The following MICAL2 variants were observed in gnomAD, a reference collection of about 807,000 sequenced individuals.
MICAL2 encodes the protein microtubule associated monooxygenase, calponin and LIM domain containing 2.
A neutral mutation model predicts 127.3 loss-of-function variants in MICAL2; 77 were observed. The observed-to-expected ratio is 0.60, with a 90% confidence interval of 0.50 to 0.73. The LOEUF (loss-of-function observed/expected upper bound fraction) is 0.73. MICAL2 is among the 30% of genes least tolerant of loss of function. The pLI is 0.00. For synonymous variants in MICAL2, 570 were observed against 551.1 expected (o/e 1.03, Z -0.48); for missense variants, 1,351 against 1,434.4 (o/e 0.94, Z 0.94).
chr11:12,289,562 T>G (rs1257443633), downstream of MICAL2, among the ~76,000 whole-genome samples: 1 of 104,678 alleles, frequency 9.6e-6, no homozygotes, highest in Non-Finnish European at 1.9e-5. Context: ...TCTTGTTTTT[T>G]TTTGTTTTTT....
At chr11:12,315,301 T>TAATATA (rs955256773) in intron 29 of MICAL2, among the ~76,000 whole-genome samples, 1 of 152,222 alleles carries the variant, frequency 6.6e-6, no homozygotes, top group Non-Finnish European at 1.5e-5. Flanking sequence ...TCTTCTGTTC[T>TAATATA]AATATAAACA....
At chr11:12,206,163 A>G (rs1399337474) in intron 4 of MICAL2, among the ~76,000 whole-genome samples, 1 of 152,106 alleles carries the variant, frequency 6.6e-6, no homozygotes, top group Non-Finnish European at 1.5e-5. Flanking sequence ...TCGGTTACCA[A>G]TTTAGAACCA....
In MICAL2 at chr11:12,188,649, T is replaced by TA. The variant is rs1390107722; in HGVS notation, c.265-15597dup. Among the ~76,000 whole-genome samples, 5 of 152,140 alleles carry TA rather than the reference T, an allele frequency of 3.3e-5. No individual in the cohort carries two copies. In the East Asian group the frequency reaches 7.7e-4, roughly 23 times the overall value. ...AATCTTCTCTCATTGACAATGACACTAAAATTGGAGGGCTTAGGGCACAGT... is the reference window on the plus strand; with the variant it reads ...AATCTTCTCTCATTGACAATGACACTAAAAATTGGAGGGCTTAGGGCACAGT... On this transcript the variant is annotated intron_variant, in intron 3 of 27. Transcript: ENST00000683283.
intron 2 of MICAL2, among the ~76,000 whole-genome samples, chr11:12,156,417 A>G (rs1192894038): frequency 6.6e-6 from 1 of 152,146 alleles, no homozygotes; most frequent in African/African-American, 2.4e-5. Context: ...GGGAATGACT[A>G]AGAAGAATTA....
At position 12,220,205 on chromosome 11, in the gene MICAL2, A is replaced by T. The variant is rs753385543; in HGVS notation, c.953A>T (p.Tyr318Phe). ...CCATGTTTTCATCTTCCCCAGGACT[A>T]CATCGACACAGAGATGCTGCTGTGT... ...LLDKGVIINDYIDTEMLLCAE... is the reference protein window; with the variant it reads ...LLDKGVIINDFIDTEMLLCAE... The change falls in exon 9 of 28, where the codon TAC (tyrosine) becomes TTC (phenylalanine). Residue 318 changes from tyrosine (Y) to phenylalanine (F), a missense_variant. Transcript: ENST00000683283. The T allele has an allele frequency of 6.3e-5, 101 of 1,614,030 alleles. No homozygotes were observed. The highest frequency in any genetic ancestry group is 4.2e-6 in the Non-Finnish European group (5 of 1,180,022).
intron 2 of MICAL2, among the ~76,000 whole-genome samples, chr11:12,160,148 G>C (rs1854612826): frequency 6.6e-6 from 1 of 152,044 alleles, no homozygotes; most frequent in Admixed American, 6.5e-5. Flanking sequence ...GCCCTACAAA[G>C]TTGCAGGGAT....
chr11:12,215,252 G>A (rs1855990752), intron 7 of MICAL2, among the ~76,000 whole-genome samples: 4 of 152,192 alleles, frequency 2.6e-5, no homozygotes, highest in Admixed American at 6.5e-5. Context: ...TTTCACAACA[G>A]TGCCCTCAGA....
Position 12,269,645 on chromosome 11 carries a change from C to A in MICAL2, c.3335-6341C>A, listed in dbSNP as rs1863652229. On this transcript the variant is annotated intron_variant, in intron 24 of 34. Transcript: ENST00000646065. ...CAGGATGAGGGCTTCGTGGGAGGAGCTGCTCAGCTCTGCTGAGGGCCGTGG... is the reference window on the plus strand; with the variant it reads ...CAGGATGAGGGCTTCGTGGGAGGAGATGCTCAGCTCTGCTGAGGGCCGTGG... 5.3e-5 allele frequency among the ~76,000 whole-genome samples: 8 copies of A among 152,310 alleles called. No homozygotes were observed. In the South Asian group the frequency reaches 1.7e-3, roughly 32 times the overall value.
In MICAL2 at chr11:12,204,387, C is replaced by T. The variant is rs758475442; in HGVS notation, c.402C>T (p.Ile134=). The change falls in exon 4 of 28, where the codon ATC becomes ATT. Residue 134 remains isoleucine, a synonymous_variant. Coordinates refer to ENST00000683283, the MANE Select transcript of MICAL2 (RefSeq NM_001282663.2). ...TGCTACACCTCTGGCCTTTCACCATCCATGACCTTCGTGGCCTGGGAGCCA... is the reference window on the plus strand; with the variant it reads ...TGCTACACCTCTGGCCTTTCACCATTCATGACCTTCGTGGCCTGGGAGCCA... ...NNVLHLWPFT[I]HDLRGLGAKK... is the part of the protein sequence containing the mutation. The T allele has an allele frequency of 6.2e-7, 1 of 1,612,540 alleles. No homozygotes were observed. The highest frequency in any genetic ancestry group is 1.3e-5 in the African/African-American group (1 of 74,830).
intron 33 of MICAL2, among the ~76,000 whole-genome samples, chr11:12,351,822 G>A (rs573372177): frequency 4.0e-5 from 6 of 150,758 alleles, no homozygotes; most frequent in South Asian, 4.2e-4. Flanking sequence ...ACAGAGTCTC[G>A]CTCTTTCACC....
intron 2 of MICAL2, chr11:12,281,207 C>A: frequency 2.5e-6 from 1 of 397,954 alleles, no homozygotes; most frequent in Non-Finnish European, 4.4e-6. Flanking sequence ...GCCTCGCCCT[C>A]AGGCTTCAAG....
At chr11:12,228,033 A>G (rs921825868) in intron 15 of MICAL2, among the ~76,000 whole-genome samples, 2 of 152,178 alleles carry the variant, frequency 1.3e-5, no homozygotes, top group Non-Finnish European at 2.9e-5. Flanking sequence ...CATTTTACAG[A>G]TAAAAATGGA....
chr11:12,116,789 C>A lies in MICAL2; in HGVS notation c.-149+6063C>A, dbSNP rs1470357198. 3.9e-5 allele frequency: 6 copies of A among 152,260 alleles called. No homozygotes were observed. In the East Asian group the frequency reaches 1.2e-3, roughly 29 times the overall value. 9.4% of individuals were successfully genotyped at this position (152,260 alleles called of 1,614,324 possible). ...AGCTGCTCATGTCTCAAATGAAGAGCCTTTTGTGATGACCATGTATGGAAT... is the reference window on the plus strand; with the variant it reads ...AGCTGCTCATGTCTCAAATGAAGAGACTTTTGTGATGACCATGTATGGAAT... On this transcript the variant is annotated intron_variant, in intron 1 of 27. Transcript: ENST00000683283.
At chr11:12,119,385 A>G (rs1850316574) in intron 1 of MICAL2, among the ~76,000 whole-genome samples, 1 of 152,322 alleles carries the variant, frequency 6.6e-6, no homozygotes, top group Admixed American at 6.5e-5. Flanking sequence ...TTAATTCTTC[A>G]TCGCTCTTAT....
At chr11:12,156,071 A>G (rs1330736874) in intron 2 of MICAL2, among the ~76,000 whole-genome samples, 2 of 152,194 alleles carry the variant, frequency 1.3e-5, no homozygotes, top group African/African-American at 4.8e-5. Flanking sequence ...GAGCCAAAGA[A>G]CTTGGGTTCT....
chr11:12,328,577 C>A (rs553204584), intron 32 of MICAL2, among the ~76,000 whole-genome samples: 2 of 152,010 alleles, frequency 1.3e-5, no homozygotes, highest in African/African-American at 4.8e-5. Context: ...CCTACATTTT[C>A]GGAAATCTTC....
At chr11:12,259,550 T>G in intron 25 of MICAL2, 1 of 422,694 alleles carries the variant, frequency 2.4e-6, no homozygotes, top group Non-Finnish European at 4.2e-6. Flanking sequence ...ATGTATATCA[T>G]TAGGAGTGAG....
Position 12,242,708 on chromosome 11 carries a change from C to T in MICAL2, c.2594C>T (p.Thr865Ile). ...AQNLANREFH[T>I]KNIKEKAAHL... is the part of the protein sequence containing the mutation. Reference sequence around the variant, plus strand: ...AACTTGGCCAACAGGGAATTTCACACAAAGAACATTAAGGAGAAGGCGGCT... The same window carrying T: ...AACTTGGCCAACAGGGAATTTCACATAAAGAACATTAAGGAGAAGGCGGCT... The change falls in exon 20 of 28, where the codon ACA becomes ATA. Residue 865 changes from threonine (T) to isoleucine (I), a missense_variant. This residue lies in a region of MICAL2 where 752 missense variants were observed against 719.4 expected (regional missense o/e 1.05). Coordinates refer to ENST00000683283, the MANE Select transcript of MICAL2 (RefSeq NM_001282663.2). 1.2e-6 allele frequency: 2 copies of T among 1,612,886 alleles called. No homozygotes were observed. The highest frequency in any genetic ancestry group is 1.7e-6 in the Non-Finnish European group (2 of 1,179,654).
At chr11:12,233,597 AT>A (rs1025042134) in intron 15 of MICAL2, among the ~76,000 whole-genome samples, 5 of 152,086 alleles carry the variant, frequency 3.3e-5, no homozygotes, top group Middle Eastern at 3.2e-3. Context: ...TACGTCTTTG[AT>A]TTTTTTTAAT....
Sources: gnomAD v4.1 joint callset for allele counts (sites outside exome capture counted in the v4.1 genomes callset) on GRCh38, gnomAD v4.1.1 for gene constraint, gnomAD v4.1.1 regional missense constraint, MANE v1.5 for transcripts, NCBI Gene and HGNC (gene_info 2026-07-23, HGNC 2026-07-21) for gene names.